The following LRRC37A3 variants were observed in gnomAD, a reference collection of about 807,000 sequenced individuals.
The protein encoded by LRRC37A3 is leucine-rich repeat-containing protein 37A3.
A neutral mutation model predicts 106.2 loss-of-function variants in LRRC37A3; 25 were observed. The ratio of observed to expected loss-of-function variants is 0.24; its 90% CI spans 0.17 to 0.33. The LOEUF is 0.33. Among genes scored for constraint, LRRC37A3 ranks in the 10% least tolerant of loss-of-function variants. The pLI, the probability that LRRC37A3 is intolerant of heterozygous loss-of-function variation, is 1.00. For synonymous variants in LRRC37A3, 305 were observed against 635.8 expected (o/e 0.48, Z 7.83); for missense variants, 712 against 1,644.9 (o/e 0.43, Z 9.81).
At position 64,870,951 on chromosome 17, in the gene LRRC37A3, C is replaced by T. The variant is rs558075590; in HGVS notation, c.2907-1785G>A. On this transcript the variant is annotated intron_variant, in intron 8 of 14. Coordinates refer to ENST00000584306, the MANE Select transcript of LRRC37A3 (RefSeq NM_199340.5). ...GTGGTGTGATCTTGGCTCACTGCAA[C>T]GTCCTCTTCCCAAGCTCAGGTAATC... is the stretch of plus-strand genomic sequence containing the variant. Among the ~76,000 whole-genome samples, 62 of 151,716 alleles carry T rather than the reference C, an allele frequency of 4.1e-4. No homozygotes were observed. The South Asian group carries it at 7.3e-3, about 18-fold the overall frequency.
rs1466617473 is a variant in LRRC37A3 at position 64,866,391 on chromosome 17, C to T, written c.3053+2071G>A. The stretch of plus-strand genomic sequence containing the variant: ...ACGGAGCAGAGTGCTAAATGAAGGG[C>T]CCTTTCCATGCTAATCTTGCATAAT... On this transcript the variant is annotated intron_variant, in intron 10 of 14. Transcript: ENST00000584306. 3.3e-5 allele frequency among the ~76,000 whole-genome samples: 5 copies of T among 151,074 alleles called. No individual in the cohort carries two copies. In the East Asian group the frequency reaches 9.7e-4, roughly 29 times the overall value.
At chr17:64,878,358 C>A (rs1281957668) in intron 8 of LRRC37A3, among the ~76,000 whole-genome samples, 2 of 152,128 alleles carry the variant, frequency 1.3e-5, no homozygotes, top group East Asian at 3.8e-4. Context: ...AAATTAAAAA[C>A]TTTTGTGCAT....
At chr17:64,873,119 C>G (rs1973377101) in intron 8 of LRRC37A3, among the ~76,000 whole-genome samples, 1 of 150,956 alleles carries the variant, frequency 6.6e-6, no homozygotes, top group Non-Finnish European at 1.5e-5. Context: ...TAAATAGCAA[C>G]TACTAACACA....
chr17:64,869,420 T>C (rs886769614), intron 8 of LRRC37A3, among the ~76,000 whole-genome samples: 2 of 151,930 alleles, frequency 1.3e-5, no homozygotes, highest in Admixed American at 6.6e-5. Context: ...AGAAAAAATA[T>C]GCCACAGAAC....
Position 64,854,446 on chromosome 17 carries a change from C to T in LRRC37A3, c.*153G>A, listed in dbSNP as rs1972607319. ...TTTCAGGTCTGGGTGACTAATTAGA[C>T]TGGGAAACAAGGGCAGGAACGATGG... On this transcript the variant is annotated 3_prime_UTR_variant, in exon 15 of 15. Coordinates refer to ENST00000584306, the MANE Select transcript of LRRC37A3 (RefSeq NM_199340.5). 2.7e-6 allele frequency: 3 copies of T among 1,109,804 alleles called. No homozygotes were observed. The highest frequency in any genetic ancestry group is 4.0e-6 in the Non-Finnish European group (3 of 758,666). 68.7% of individuals were successfully genotyped at this position (1,109,804 alleles called of 1,614,324 possible). A position where few individuals can be genotyped will look rare whatever the true frequency, so the allele number is the denominator to read the frequency against.
intron 13 of LRRC37A3, among the ~76,000 whole-genome samples, chr17:64,857,444 T>G (rs1458667172): frequency 2.0e-5 from 3 of 152,246 alleles, no homozygotes; most frequent in Non-Finnish European, 4.4e-5. Context: ...AATTCTCAAA[T>G]TAATCTACAA....
At chr17:64,868,293 G>A (rs1373784812) in intron 10 of LRRC37A3, among the ~76,000 whole-genome samples, 169 bp downstream of exon 10, 1 of 152,060 alleles carries the variant, frequency 6.6e-6, no homozygotes, top group Non-Finnish European at 1.5e-5. Flanking sequence ...TGGGAATGTG[G>A]TGGTGGTTAT....
At position 64,896,795 on chromosome 17, in the gene LRRC37A3, C is replaced by G. The variant is rs755539626; in HGVS notation, c.463G>C (p.Ala155Pro). The change falls in exon 4 of 15, where the codon GCT (alanine) becomes CCT (proline). Residue 155 changes from alanine (A) to proline (P), a missense_variant. Transcript: ENST00000584306. ...VSPKKLKKDP[A>P]QRWSLAEIIG... Reference sequence around the variant, plus strand: ...ATCTCAGCAAGGCTCCAACGCTGAGCTGGATCTTTCTTCAGCTTCTTGGGC... The same window carrying G: ...ATCTCAGCAAGGCTCCAACGCTGAGGTGGATCTTTCTTCAGCTTCTTGGGC... The G allele has an allele frequency of 6.2e-7, 1 of 1,609,266 alleles. No homozygotes were observed. Among genetic ancestry groups the G allele is most frequent in the Non-Finnish European group, 8.5e-7 (1 of 1,179,946 alleles).
At chr17:64,854,824 T>G (rs919676557) in intron 14 of LRRC37A3, among the ~76,000 whole-genome samples, 180 bp from the exon 15 acceptor site, 1 of 152,242 alleles carries the variant, frequency 6.6e-6, no homozygotes, top group Admixed American at 6.5e-5. Flanking sequence ...TTATTTACTC[T>G]TGTGGCACTG....
Position 64,865,967 on chromosome 17 carries a change from G to A in LRRC37A3, c.3053+2495C>T, listed in dbSNP as rs536633287. On this transcript the variant is annotated intron_variant, in intron 10 of 14. Coordinates refer to ENST00000584306, the MANE Select transcript of LRRC37A3 (RefSeq NM_199340.5). The stretch of plus-strand genomic sequence containing the variant: ...TGTAAATGACCTGAGGTATACTTGA[G>A]AATAATTTTTCAATACACATGAAAG... 2.6e-5 allele frequency among the ~76,000 whole-genome samples: 4 copies of A among 152,060 alleles called. No individual in the cohort carries two copies. In the South Asian group the frequency reaches 8.3e-4, roughly 32 times the overall value.
intron 2 of LRRC37A3, among the ~76,000 whole-genome samples, chr17:64,916,083 C>T (rs1455315485): frequency 2.0e-5 from 3 of 151,320 alleles, no homozygotes; most frequent in Non-Finnish European, 4.4e-5. Flanking sequence ...TGCACTCCAG[C>T]GTGGGTGAAA....
intron 8 of LRRC37A3, among the ~76,000 whole-genome samples, chr17:64,870,046 G>T (rs908255704): frequency 1.3e-5 from 2 of 150,006 alleles, no homozygotes; most frequent in Non-Finnish European, 3.0e-5. Flanking sequence ...CACTTGTCAG[G>T]CTCCTGGACT....
At chr17:64,873,120 T>C (rs1973377234) in intron 8 of LRRC37A3, among the ~76,000 whole-genome samples, 1 of 150,920 alleles carries the variant, frequency 6.6e-6, no homozygotes, top group Non-Finnish European at 1.5e-5. Flanking sequence ...AAATAGCAAC[T>C]ACTAACACAA....
At chr17:64,863,046 T>G in intron 10 of LRRC37A3, 28 bp from the exon 11 acceptor site, 1 of 1,597,476 alleles carries the variant, frequency 6.3e-7, no homozygotes, top group Non-Finnish European at 8.5e-7. Context: ...GAGCAATAAA[T>G]TAGCGGTAAA....
chr17:64,916,785 CAA>C (rs1177693945), intron 2 of LRRC37A3, among the ~76,000 whole-genome samples: 22 of 96,768 alleles, frequency 2.3e-4, no homozygotes, highest in Non-Finnish European at 2.8e-4. Flanking sequence ...GACTCTGTCT[CAA>C]AAAAAAAAAA....
chr17:64,892,661 A>G, intron 4 of LRRC37A3, 61 bp from the exon 5 acceptor site: 1 of 1,476,370 alleles, frequency 6.8e-7, no homozygotes, highest in South Asian at 1.1e-5. Flanking sequence ...ACGATAAGTA[A>G]AAGAATCATT....
At chr17:64,871,745 T>C (rs1289161773) in intron 8 of LRRC37A3, 1 of 152,080 alleles carries the variant, frequency 6.6e-6, no homozygotes, top group Non-Finnish European at 1.5e-5. Context: ...CCTTCTTCCT[T>C]TGCCTCCCGA....
Position 64,860,110 on chromosome 17 carries a change from C to T in LRRC37A3, c.4036G>A (p.Ala1346Thr), listed in dbSNP as rs1451788170. The T allele has an allele frequency of 6.2e-7, 1 of 1,613,978 alleles. No homozygotes were observed. The highest frequency in any genetic ancestry group is 1.1e-5 in the South Asian group (1 of 91,074). ...LMLSNRLPFS[A>T]AKSLINSPSQ... ...GGGGAATTTATGAGGCTCTTCGCTGCAGAGAACGGAAGCCTGTTTGAGAGC... is the reference window on the plus strand; with the variant it reads ...GGGGAATTTATGAGGCTCTTCGCTGTAGAGAACGGAAGCCTGTTTGAGAGC... The change falls in exon 12 of 15, where the codon GCA becomes ACA. Residue 1346 changes from alanine to threonine, a missense_variant. Transcript: ENST00000584306.
chr17:64,858,508 G>A (rs949334509), intron 13 of LRRC37A3, among the ~76,000 whole-genome samples: 8 of 152,174 alleles, frequency 5.3e-5, no homozygotes, highest in Non-Finnish European at 1.0e-4. Flanking sequence ...AGTTTTGGGT[G>A]GGAGAAATTT....
Sources: gnomAD v4.1 joint callset for allele counts (sites outside exome capture counted in the v4.1 genomes callset) on GRCh38, gnomAD v4.1.1 for gene constraint, MANE v1.5 for transcripts, NCBI Gene and HGNC (gene_info 2026-07-23, HGNC 2026-07-21) for gene names.